Variants in ARHGEF17 observed in about 807,000 individuals in gnomAD.
The protein encoded by ARHGEF17 is 164 kDa Rho-specific guanine-nucleotide exchange factor.
In ARHGEF17, 80 loss-of-function variants were observed where a neutral mutation model predicts 174.0. That is an observed-to-expected ratio of 0.46 (90% CI 0.38 to 0.55). The LOEUF (loss-of-function observed/expected upper bound fraction) is 0.55, where lower values mean the gene tolerates loss of function less well. ARHGEF17 is among the 20% of genes least tolerant of loss of function. The pLI is 0.00. For synonymous variants in ARHGEF17, 1,311 were observed against 1,189.1 expected (o/e 1.10, Z -2.11); for missense variants, 2,886 against 2,839.7 (o/e 1.02, Z -0.37).
intron 1 of ARHGEF17, among the ~76,000 whole-genome samples, chr11:73,334,834 C>T (rs550532671): frequency 1.8e-4 from 27 of 152,224 alleles, no homozygotes; most frequent in African/African-American, 6.0e-4. Flanking sequence ...TCCGTTCCCA[C>T]GATCCCAGCC....
At chr11:73,312,380 G>A (rs943629319) in intron 1 of ARHGEF17, among the ~76,000 whole-genome samples, 2 of 152,162 alleles carry the variant, frequency 1.3e-5, no homozygotes, top group African/African-American at 4.8e-5. Context: ...ACTTTATGGA[G>A]GAGCAGAGGG....
At position 73,309,330 on chromosome 11, in the gene ARHGEF17, G is replaced by GCTC. The variant is rs113363731; in HGVS notation, c.703_705dup (p.Ser235dup). ...CCGCAGGCCGGGGCCCGGGCCTCCT[G>GCTC]CTCCTCCTCCTCCATCGCCGCCTCC... On this transcript the variant is annotated inframe_insertion, in exon 1 of 21. Coordinates refer to ENST00000263674, the MANE Select transcript of ARHGEF17 (RefSeq NM_014786.4). The GCTC allele has an allele frequency of 0.23, 363,646 of 1,607,546 alleles. 49,394 individuals carry two copies. The highest frequency in any genetic ancestry group is 0.66 in the African/African-American group (48,781 of 74,020).
intron 13 of ARHGEF17, 39 bp from the exon 14 acceptor site, chr11:73,362,394 G>T: frequency 6.7e-7 from 1 of 1,495,446 alleles, no homozygotes; most frequent in Non-Finnish European, 8.9e-7. Context: ...GCCCCGTCTG[G>T]CTCGTAGCTG....
At chr11:73,362,326 G>A (rs1591762362) in intron 13 of ARHGEF17, 87 bp downstream of exon 13, 2 of 1,445,812 alleles carry the variant, frequency 1.4e-6, no homozygotes, top group Non-Finnish European at 9.1e-7. Flanking sequence ...GCCCCGGCGT[G>A]GTTGTGGGCG....
intron 1 of ARHGEF17, chr11:73,343,120 C>A (rs931843509): frequency 5.3e-6 from 2 of 376,882 alleles, no homozygotes; most frequent in African/African-American, 4.2e-5. Flanking sequence ...CCGGCGCCCC[C>A]GCCCCAGCGG....
rs1357020729 is a variant in ARHGEF17 at position 73,310,506 on chromosome 11, C to T, written c.1868C>T (p.Ala623Val). The change falls in exon 1 of 21, where the codon GCA becomes GTA. Residue 623 changes from alanine to valine, a missense_variant. Ala to Val is a moderately conservative substitution (Grantham distance 64). Around this residue, in one of 4 missense-constraint regions of ARHGEF17, gnomAD observed 1,728 missense variants for 1,461.2 expected, o/e 1.18. Coordinates refer to ENST00000263674, the MANE Select transcript of ARHGEF17 (RefSeq NM_014786.4). ...SDAPPGSPDW[A>V]GDVTRGQRSQ... ...GCCCCCCCTGGAAGCCCTGACTGGG[C>T]AGGGGATGTGACCCGAGGGCAGCGG... The T allele has an allele frequency of 3.2e-5, 52 of 1,613,910 alleles. No individual in the cohort carries two copies. Among genetic ancestry groups the T allele is most frequent in the Non-Finnish European group, 4.2e-5 (49 of 1,180,050 alleles).
At chr11:73,314,646 A>G (rs937826584) in intron 1 of ARHGEF17, among the ~76,000 whole-genome samples, 1 of 152,174 alleles carries the variant, frequency 6.6e-6, no homozygotes, top group Non-Finnish European at 1.5e-5. Flanking sequence ...ACCCAGGAGA[A>G]CAGGGAGTAA....
chr11:73,325,387 G>A (rs982571926), intron 1 of ARHGEF17, among the ~76,000 whole-genome samples: 2 of 152,174 alleles, frequency 1.3e-5, no homozygotes, highest in Admixed American at 1.3e-4. Flanking sequence ...CCCTGTGCTT[G>A]GGCTGGAGAT....
intron 10 of ARHGEF17, 121 bp downstream of exon 10, chr11:73,360,073 G>A: frequency 1.9e-6 from 2 of 1,056,874 alleles, no homozygotes; most frequent in South Asian, 3.2e-5. Context: ...TCATCTGAAG[G>A]CAAAAATCGC....
Position 73,310,523 on chromosome 11 carries a change from G to A in ARHGEF17, c.1885G>A (p.Gly629Arg). The change falls in exon 1 of 21, where the codon GGG becomes AGG. Residue 629 changes from glycine to arginine, a missense_variant. Coordinates refer to ENST00000263674, the MANE Select transcript of ARHGEF17 (RefSeq NM_014786.4). ...SPDWAGDVTR[G>R]QRSQEELSGP... ...TGACTGGGCAGGGGATGTGACCCGA[G>A]GGCAGCGGTCCCAGGAGGAGCTCTC... 2 of 1,613,968 alleles carry A rather than the reference G, an allele frequency of 1.2e-6. No homozygotes were observed. Among genetic ancestry groups the A allele is most frequent in the Non-Finnish European group, 1.7e-6 (2 of 1,180,034 alleles).
At chr11:73,348,546 A>G (rs1865502062) in intron 2 of ARHGEF17, among the ~76,000 whole-genome samples, 1 of 152,224 alleles carries the variant, frequency 6.6e-6, no homozygotes, top group Non-Finnish European at 1.5e-5. Context: ...TTCCACTTGC[A>G]TGAGGTTCCT....
Position 73,309,826 on chromosome 11 carries a change from G to A in ARHGEF17, c.1188G>A (p.Thr396=), listed in dbSNP as rs1192250768. ...GSRGSSRYSS[T]ETLKDDDLWS... is the part of the protein sequence containing the mutation. ...GCGGTAGCAGCCGTTATTCCAGCAC[G>A]GAGACCCTCAAGGACGACGACCTAT... Residue 396 remains threonine (T), a synonymous_variant, in exon 1 of 21, where the codon ACG becomes ACA. Transcript: ENST00000263674. 8.7e-6 allele frequency: 14 copies of A among 1,613,036 alleles called. No individual in the cohort carries two copies. Among genetic ancestry groups the A allele is most frequent in the Admixed American group, 6.7e-5 (4 of 60,002 alleles).
chr11:73,318,630 A>G (rs952539315), intron 1 of ARHGEF17, among the ~76,000 whole-genome samples: 1 of 152,252 alleles, frequency 6.6e-6, no homozygotes, highest in East Asian at 1.9e-4. Context: ...ACCTTGTCTC[A>G]GAACAAAAAG....
intron 15 of ARHGEF17, 102 bp downstream of exon 15, chr11:73,363,557 C>T: frequency 6.5e-7 from 1 of 1,527,492 alleles, no homozygotes. Flanking sequence ...GGCTTTGGGT[C>T]ACACCTCAGG....
intron 2 of ARHGEF17, among the ~76,000 whole-genome samples, chr11:73,351,699 A>G (rs1339119273): frequency 6.6e-6 from 1 of 152,066 alleles, no homozygotes; most frequent in Non-Finnish European, 1.5e-5. Flanking sequence ...CTTCTGTCTC[A>G]GCCTCCCAGG....
Position 73,311,330 on chromosome 11 carries a change from A to G in ARHGEF17, c.2692A>G (p.Thr898Ala), listed in dbSNP as rs1358494756. Residue 898 changes from threonine to alanine, a missense_variant, in exon 1 of 21, where the codon ACT becomes GCT. Thr to Ala is a moderately conservative substitution (Grantham distance 58). Coordinates refer to ENST00000263674, the MANE Select transcript of ARHGEF17 (RefSeq NM_014786.4). ...ALPEALPPPA[T>A]AHRNFHLDPK... ...ACCTGAGGCTCTGCCTCCCCCTGCC[A>G]CTGCCCACCGAAACTTTCACCTTGA... is the stretch of plus-strand genomic sequence containing the variant. The G allele has an allele frequency of 3.7e-6, 6 of 1,613,226 alleles. No homozygotes were observed. Among genetic ancestry groups the G allele is most frequent in the South Asian group, 3.3e-5 (3 of 91,094 alleles).
intron 1 of ARHGEF17, among the ~76,000 whole-genome samples, chr11:73,328,199 A>C (rs1865135035): frequency 6.6e-6 from 1 of 152,128 alleles, no homozygotes; most frequent in African/African-American, 2.4e-5. Context: ...CCTCTTTGGT[A>C]GGGGGATGAG....
In ARHGEF17 at chr11:73,365,285, C is replaced by G. The variant is rs551975287; in HGVS notation, c.5551-105C>G. ...AAAGGTTAATCAGACCAAGGACCAA[C>G]GCTAGTGTGAGTTGTGAGGGATGGA... On this transcript the variant is annotated intron_variant, in intron 18 of 20. Coordinates refer to ENST00000263674, the MANE Select transcript of ARHGEF17 (RefSeq NM_014786.4). The surrounding 1 kb of genome is among the most constrained non-coding windows in gnomAD (Gnocchi z 4.9). The G allele has an allele frequency of 3.8e-6, 5 of 1,321,158 alleles. No individual in the cohort carries two copies. The South Asian group carries it at 6.7e-5, about 18-fold the overall frequency. 81.8% of individuals were successfully genotyped at this position (1,321,158 alleles called of 1,614,324 possible). A position where few individuals can be genotyped will look rare whatever the true frequency, so the allele number is the denominator to read the frequency against.
chr11:73,345,738 C>T (rs1029759156), intron 1 of ARHGEF17, among the ~76,000 whole-genome samples: 2 of 152,172 alleles, frequency 1.3e-5, no homozygotes, highest in African/African-American at 4.8e-5. Context: ...AGATACGGTC[C>T]ACAGATGCTC....
Sources: gnomAD v4.1 joint callset for allele counts (sites outside exome capture counted in the v4.1 genomes callset) on GRCh38, gnomAD v4.1.1 for gene constraint, gnomAD v4.1.1 regional missense constraint, Gnocchi (gnomAD v3.1) non-coding constraint, MANE v1.5 for transcripts, NCBI Gene and HGNC (gene_info 2026-07-23, HGNC 2026-07-21) for gene names.